The following MTDH variants were observed in gnomAD, a reference collection of about 807,000 sequenced individuals.
MTDH encodes metadherin, also known as protein LYRIC.
MTDH carries 34 observed loss-of-function variants against 72.7 expected under a neutral mutation model. The observed-to-expected ratio is 0.47, with a 90% confidence interval of 0.36 to 0.62. The LOEUF is 0.62. Among genes scored for constraint, MTDH ranks in the 20% least tolerant of loss-of-function variants. MTDH has a pLI of 0.00. For synonymous variants in MTDH, 266 were observed against 268.9 expected, an observed-to-expected ratio of 0.99 and a Z score of 0.10; for missense variants, 677 against 699.4, an observed-to-expected ratio of 0.97 and a Z score of 0.36.
chr8:97,681,914 C>T (rs1427512498), intron 2 of MTDH, among the ~76,000 whole-genome samples: 2 of 151,900 alleles, frequency 1.3e-5, no homozygotes, highest in African/African-American at 4.8e-5. Context: ...GTGTCTGACA[C>T]ATAGTAGTTA....
At chr8:97,694,945 TC>T (rs1813769959) in intron 6 of MTDH, among the ~76,000 whole-genome samples, 1 of 151,882 alleles carries the variant, frequency 6.6e-6, no homozygotes, top group Non-Finnish European at 1.5e-5. Flanking sequence ...AAAAAGACCT[TC>T]CCTAAATTCC....
Position 97,688,862 on chromosome 8 carries a change from C to T in MTDH, c.746-176C>T, listed in dbSNP as rs569383023. 2.6e-5 allele frequency among the ~76,000 whole-genome samples: 4 copies of T among 152,280 alleles called. No individual in the cohort carries two copies. In the East Asian group the frequency reaches 7.7e-4, roughly 29 times the overall value. On this transcript the variant is annotated intron_variant, in intron 4 of 11. Transcript: ENST00000336273. ...ATATGGTAACCAGAAAACTCAGTTC[C>T]TTACCAACAAGTGAAATGTGTTGTA...
At chr8:97,688,544 T>C (rs1813457421) in intron 4 of MTDH, among the ~76,000 whole-genome samples, 1 of 152,218 alleles carries the variant, frequency 6.6e-6, no homozygotes, top group Non-Finnish European at 1.5e-5. Context: ...TTATGCTTTT[T>C]AGTGTCAGAG....
At chr8:97,647,555 A>C (rs1811614279) in intron 1 of MTDH, among the ~76,000 whole-genome samples, 2 of 152,144 alleles carry the variant, frequency 1.3e-5, no homozygotes, top group African/African-American at 4.8e-5. Context: ...GAGGGCAGTA[A>C]GAGCAAGATA....
chr8:97,670,951 T>TG (rs1491253173), intron 2 of MTDH, among the ~76,000 whole-genome samples: 4 of 131,456 alleles, frequency 3.0e-5, no homozygotes, highest in African/African-American at 8.9e-5. Context: ...TTGTTGTTGT[T>TG]GTTTTTTTTT....
intron 2 of MTDH, among the ~76,000 whole-genome samples, chr8:97,679,125 G>T (rs1157156628): frequency 1.3e-5 from 2 of 152,114 alleles, no homozygotes; most frequent in Non-Finnish European, 2.9e-5. Flanking sequence ...GTGATTTGGG[G>T]GTTGGTTAGT....
rs1021016942 is a variant in MTDH, at chr8:97,730,050, A to G, written c.*5380A>G. ...ACATGTATATAGTGTGTTGTAAGAC[A>G]TTTGCCAGCTAATAGTTACAGTACT... On this transcript the variant is annotated 3_prime_UTR_variant, in exon 12 of 12. Transcript: ENST00000336273. 1.3e-5 allele frequency among the ~76,000 whole-genome samples: 2 copies of G among 152,196 alleles called. No individual in the cohort carries two copies. The highest frequency in any genetic ancestry group is 2.9e-5 in the Non-Finnish European group (2 of 68,024).
intron 8 of MTDH, among the ~76,000 whole-genome samples, chr8:97,710,683 CAAAAAAA>C (rs376391821): frequency 4.0e-3 from 212 of 53,126 alleles, no homozygotes; most frequent in African/African-American, 0.016. Context: ...GAGACTATCT[CAAAAAAA>C]AAAAAAAAAA....
At chr8:97,699,610 T>G (rs950224163) in intron 6 of MTDH, 144 bp from the exon 7 acceptor site, 4 of 556,784 alleles carry the variant, frequency 7.2e-6, no homozygotes, top group Non-Finnish European at 6.4e-6. Context: ...TCCTTTTAAC[T>G]TAATTCTTTT....
chr8:97,689,528 A>T (rs1398187217), intron 5 of MTDH, among the ~76,000 whole-genome samples: 2 of 152,146 alleles, frequency 1.3e-5, no homozygotes, highest in East Asian at 1.9e-4. Flanking sequence ...CAAGTATCAA[A>T]TATTTCACAA....
chr8:97,687,715 G>C, intron 4 of MTDH, 110 bp downstream of exon 4: 1 of 925,484 alleles, frequency 1.1e-6, no homozygotes, highest in Non-Finnish European at 1.6e-6. Context: ...TAACATCATT[G>C]TGCTGATATA....
intron 6 of MTDH, 115 bp from the exon 7 acceptor site, chr8:97,699,639 C>T: frequency 4.9e-6 from 3 of 616,060 alleles, no homozygotes; most frequent in Non-Finnish European, 8.4e-6. Flanking sequence ...CTGAATTTTT[C>T]CTTTTAGGAG....
At chr8:97,713,535 C>T in intron 8 of MTDH, 127 bp from the exon 9 acceptor site, 1 of 545,140 alleles carries the variant, frequency 1.8e-6, no homozygotes. Flanking sequence ...TTACTTATTA[C>T]TAGTTTTTAT....
chr8:97,707,449 CTTTTTTTTTT>C (rs35528230), intron 8 of MTDH, among the ~76,000 whole-genome samples: 2 of 80,204 alleles, frequency 2.5e-5, no homozygotes, highest in East Asian at 4.2e-4. Flanking sequence ...CATGCCTGGC[CTTTTTTTTTT>C]TTTTTTTTTT....
At chr8:97,654,136 T>C (rs1004300551) in intron 1 of MTDH, among the ~76,000 whole-genome samples, 2 of 152,204 alleles carry the variant, frequency 1.3e-5, no homozygotes, top group African/African-American at 4.8e-5. Flanking sequence ...ACAGGGATCT[T>C]TACCACTAAA....
At chr8:97,723,423 A>G (rs1815217855) in intron 11 of MTDH, among the ~76,000 whole-genome samples, 2 of 147,880 alleles carry the variant, frequency 1.4e-5, no homozygotes. Context: ...TAATGGATTA[A>G]TAAGAGTAGC....
At chr8:97,716,619 C>G (rs553260929) in intron 9 of MTDH, among the ~76,000 whole-genome samples, 1 of 151,898 alleles carries the variant, frequency 6.6e-6, no homozygotes, top group African/African-American at 2.4e-5. Flanking sequence ...TGCAGTGAGC[C>G]AAGATTGTGC....
intron 2 of MTDH, among the ~76,000 whole-genome samples, chr8:97,679,789 C>G (rs555168484): frequency 6.6e-6 from 1 of 152,166 alleles, no homozygotes; most frequent in Non-Finnish European, 1.5e-5. Flanking sequence ...TTATTTAACC[C>G]GCTGTTACAA....
At chr8:97,646,492 C>T (rs1012226665) in intron 1 of MTDH, among the ~76,000 whole-genome samples, 1 of 152,228 alleles carries the variant, frequency 6.6e-6, no homozygotes. Context: ...GAAAGAAACA[C>T]ATTCAGCACA....
Sources: allele counts gnomAD v4.1 joint callset (sites outside exome capture counted in the v4.1 genomes callset), GRCh38; gene constraint gnomAD v4.1.1; transcripts MANE v1.5; gene names NCBI Gene and HGNC (gene_info 2026-07-23, HGNC 2026-07-21).